Variants in KCNH8 observed in about 807,000 individuals in gnomAD.
The protein encoded by KCNH8 is potassium voltage-gated channel subfamily H member 8.
A neutral mutation model predicts 103.6 loss-of-function variants in KCNH8; 70 were observed. The ratio of observed to expected loss-of-function variants is 0.68; its 90% CI spans 0.56 to 0.82. The LOEUF (loss-of-function observed/expected upper bound fraction) is 0.82. Ranked by LOEUF, KCNH8 falls within the 40% of genes least tolerant of loss-of-function variation. The pLI is 0.00. For missense variants in KCNH8, 1,217 were observed against 1,329.9 expected (o/e 0.92, Z 1.32); for synonymous variants, 498 against 489.4 (o/e 1.02, Z -0.23).
rs545665205 is a variant in KCNH8, at chr3:19,150,766, A to C, written c.76+1971A>C. 3.7e-4 allele frequency among the ~76,000 whole-genome samples: 56 copies of C among 152,310 alleles called. 1 individual carries two copies. The South Asian group carries it at 3.9e-3, about 11-fold the overall frequency. ...AGACCATCCTGACATACCTGTATTT[A>C]GTATAGTAAGAAATCAAAAAGTCTT... On this transcript the variant is annotated intron_variant, in intron 1 of 15. Coordinates refer to ENST00000328405, the MANE Select transcript of KCNH8 (RefSeq NM_144633.3).
At chr3:19,471,683 G>A (rs1224032859) in intron 11 of KCNH8, among the ~76,000 whole-genome samples, 1 of 152,130 alleles carries the variant, frequency 6.6e-6, no homozygotes, top group East Asian at 1.9e-4. Flanking sequence ...AAGAAAAACT[G>A]GTCCAGAATC....
In KCNH8 at chr3:19,308,759, TCC is replaced by T. The variant is rs533354741; in HGVS notation, c.442+27432_442+27433del. 1.8e-3 allele frequency among the ~76,000 whole-genome samples: 143 copies of T among 80,498 alleles called. 25 individuals are homozygous for T. The highest frequency in any genetic ancestry group is 2.2e-3 in the African/African-American group (33 of 14,832). 52.8% of individuals were successfully genotyped at this position (80,498 alleles called of 152,430 possible). On this transcript the variant is annotated intron_variant, in intron 3 of 15. Transcript: ENST00000328405. The stretch of plus-strand genomic sequence containing the variant: ...CTCCCTCTCTCCCTCTCTCCCTCTC[TCC>T]CTCTCTCCCTCCCTCTCTCTCTCTC...
chr3:19,190,007 T>A (rs1400305695), intron 1 of KCNH8, among the ~76,000 whole-genome samples: 1 of 151,956 alleles, frequency 6.6e-6, no homozygotes, highest in Non-Finnish European at 1.5e-5. Context: ...TCAGTTGATT[T>A]TGGGCAAAAT....
chr3:19,226,392 C>T (rs990020201), intron 1 of KCNH8, among the ~76,000 whole-genome samples: 1 of 152,128 alleles, frequency 6.6e-6, no homozygotes, highest in African/African-American at 2.4e-5. Flanking sequence ...CTGCCTTGAA[C>T]ATTACAAGGG....
intron 7 of KCNH8, among the ~76,000 whole-genome samples, chr3:19,420,593 A>G (rs1463151360): frequency 6.6e-6 from 1 of 152,224 alleles, no homozygotes; most frequent in Admixed American, 6.5e-5. Context: ...ATATTTTGGA[A>G]TATGTCGTGA....
At chr3:19,400,972 C>G (rs1445015887) in intron 7 of KCNH8, among the ~76,000 whole-genome samples, 1 of 151,812 alleles carries the variant, frequency 6.6e-6, no homozygotes, top group African/African-American at 2.4e-5. Flanking sequence ...GATTCGCATT[C>G]TTAAGAATGC....
chr3:19,512,146 A>G (rs1313774089), intron 12 of KCNH8, among the ~76,000 whole-genome samples: 2 of 152,220 alleles, frequency 1.3e-5, no homozygotes, highest in Admixed American at 6.5e-5. Flanking sequence ...CAAAGCCAGA[A>G]GCACACACTA....
At chr3:19,410,264 G>A (rs938362958) in intron 7 of KCNH8, among the ~76,000 whole-genome samples, 1 of 151,776 alleles carries the variant, frequency 6.6e-6, no homozygotes, top group African/African-American at 2.4e-5. Flanking sequence ...ACAATTATAG[G>A]GAAATTAAAC....
At chr3:19,504,180 T>C (rs1366197756) in intron 11 of KCNH8, among the ~76,000 whole-genome samples, 2 of 152,022 alleles carry the variant, frequency 1.3e-5, no homozygotes, top group East Asian at 3.9e-4. Context: ...TCACCATATA[T>C]AAAAGTCAAC....
At chr3:19,414,242 G>A (rs1206126558) in intron 7 of KCNH8, among the ~76,000 whole-genome samples, 1 of 152,074 alleles carries the variant, frequency 6.6e-6, no homozygotes, top group African/African-American at 2.4e-5. Context: ...CTCAACTAGA[G>A]TTTGGAGCAG....
intron 7 of KCNH8, among the ~76,000 whole-genome samples, chr3:19,426,021 C>G (rs1242476757): frequency 1.3e-5 from 2 of 152,146 alleles, no homozygotes; most frequent in Non-Finnish European, 1.5e-5. Context: ...TGTGTCAGGG[C>G]TGTGACAACG....
intron 1 of KCNH8, among the ~76,000 whole-genome samples, chr3:19,237,038 C>T (rs1289131212): frequency 6.6e-6 from 1 of 152,180 alleles, no homozygotes; most frequent in Non-Finnish European, 1.5e-5. Context: ...AAATACAGTT[C>T]TTATGGCCAA....
chr3:19,410,905 A>G (rs2066767695), intron 7 of KCNH8, among the ~76,000 whole-genome samples: 1 of 150,558 alleles, frequency 6.6e-6, no homozygotes, highest in South Asian at 2.1e-4. Flanking sequence ...GCCCTGGACC[A>G]GATGAGTTTA....
chr3:19,349,218 C>A (rs2065767444), intron 5 of KCNH8, among the ~76,000 whole-genome samples: 1 of 151,544 alleles, frequency 6.6e-6, no homozygotes, highest in Non-Finnish European at 1.5e-5. Context: ...AAAGATGTAA[C>A]CATAAAGGGA....
At chr3:19,425,125 T>C (rs1301572407) in intron 7 of KCNH8, among the ~76,000 whole-genome samples, 1 of 152,210 alleles carries the variant, frequency 6.6e-6, no homozygotes, top group African/African-American at 2.4e-5. Context: ...AAGTTAAATA[T>C]ACTTCACATG....
intron 3 of KCNH8, among the ~76,000 whole-genome samples, chr3:19,303,025 C>G (rs993663368): frequency 2.6e-5 from 4 of 152,156 alleles, no homozygotes; most frequent in African/African-American, 9.7e-5. Context: ...ATAACTCCAT[C>G]CATACCGAAC....
intron 11 of KCNH8, among the ~76,000 whole-genome samples, chr3:19,495,752 C>A (rs879755946): frequency 1.5e-4 from 22 of 150,196 alleles, no homozygotes; most frequent in Non-Finnish European, 2.7e-4. Flanking sequence ...ATGTCACTGG[C>A]AGTTTCATAG....
At position 19,503,679 on chromosome 3, in the gene KCNH8, C is replaced by T. The variant is rs2068634702; in HGVS notation, c.2041-6684C>T. On this transcript the variant is annotated intron_variant, in intron 11 of 15. Coordinates refer to ENST00000328405, the MANE Select transcript of KCNH8 (RefSeq NM_144633.3). ...CATTCTCAGTAAACTATCTCAAGAA[C>T]AAAAAACCAAACACCGCATATTCTC... 4.1e-5 allele frequency among the ~76,000 whole-genome samples: 6 copies of T among 147,780 alleles called. No individual in the cohort carries two copies. The South Asian group carries it at 1.3e-3, about 31-fold the overall frequency.
At chr3:19,180,708 T>G (rs186790142) in intron 1 of KCNH8, among the ~76,000 whole-genome samples, 1 of 152,272 alleles carries the variant, frequency 6.6e-6, no homozygotes, top group African/African-American at 2.4e-5. Flanking sequence ...TTTGTTTGTT[T>G]GTTTGGTTTG....
Sources: gnomAD v4.1 joint callset for allele counts (sites outside exome capture counted in the v4.1 genomes callset) on GRCh38, gnomAD v4.1.1 for gene constraint, MANE v1.5 for transcripts, NCBI Gene and HGNC (gene_info 2026-07-23, HGNC 2026-07-21) for gene names.